Variants in DNAI3 observed in about 807,000 individuals in gnomAD.
The protein encoded by DNAI3 is WD repeat domain 63.
Under a neutral mutation model 115.5 loss-of-function variants are expected in DNAI3, and 83 were observed. The observed-to-expected ratio is 0.72, with a 90% confidence interval of 0.60 to 0.86. The LOEUF is 0.86. Among genes scored for constraint, DNAI3 ranks in the 40% least tolerant of loss-of-function variants. The pLI, the probability that DNAI3 is intolerant of heterozygous loss-of-function variation, is 0.00. For missense variants in DNAI3, 1,004 were observed against 1,075.8 expected, an observed-to-expected ratio of 0.93 and a Z score of 0.93; for synonymous variants, 320 against 347.0, an observed-to-expected ratio of 0.92 and a Z score of 0.86.
At position 85,090,180 on chromosome 1, in the gene DNAI3, ACACT is replaced by A. The variant is rs1654929622; in HGVS notation, c.808_811del (p.Leu270AsnfsTer15). 6.3e-7 allele frequency: 1 copy of A among 1,592,190 alleles called. No individual in the cohort carries two copies. The highest frequency in any genetic ancestry group is 8.5e-7 in the Non-Finnish European group (1 of 1,171,548). ...AGAATTCTCAGAAGAGGAAAAAGAG[ACACT>A]CAAACAATCAAAGCCTTTGGTTGAT... On this transcript the variant is annotated frameshift_variant, in exon 8 of 23. Coordinates refer to ENST00000294664, the MANE Select transcript of DNAI3 (RefSeq NM_145172.5). LOFTEE classifies it high-confidence loss of function.
At chr1:85,097,143 TAAATAG>T (rs1655149165) in intron 11 of DNAI3, among the ~76,000 whole-genome samples, 1 of 152,082 alleles carries the variant, frequency 6.6e-6, no homozygotes, top group African/African-American at 2.4e-5. Context: ...AATAGTCAAT[TAAATAG>T]AAATAATCAC....
intron 13 of DNAI3, among the ~76,000 whole-genome samples, chr1:85,100,480 C>T (rs1655263255): frequency 1.3e-5 from 2 of 152,094 alleles, no homozygotes; most frequent in African/African-American, 4.8e-5. Flanking sequence ...ACAACAGATG[C>T]TGGAGAGGAT....
chr1:85,098,391 T>C (rs1041888275), intron 12 of DNAI3, 139 bp from the exon 13 acceptor site: 39 of 999,566 alleles, frequency 3.9e-5, no homozygotes, highest in East Asian at 1.1e-4. Context: ...ATATATGATA[T>C]AGAGAAACAC....
At chr1:85,080,857 C>T (rs994777796) in intron 3 of DNAI3, among the ~76,000 whole-genome samples, 1 of 152,150 alleles carries the variant, frequency 6.6e-6, no homozygotes, top group Non-Finnish European at 1.5e-5. Context: ...GAATTCAATT[C>T]ATCTAAAATT....
chr1:85,100,283 A>C (rs1343642745), intron 13 of DNAI3, among the ~76,000 whole-genome samples: 1 of 152,202 alleles, frequency 6.6e-6, no homozygotes, highest in Non-Finnish European at 1.5e-5. Flanking sequence ...CAAGAAAAAA[A>C]CAAACAACCC....
intron 8 of DNAI3, among the ~76,000 whole-genome samples, chr1:85,092,227 G>A (rs1655000001): frequency 6.6e-6 from 1 of 152,148 alleles, no homozygotes; most frequent in Non-Finnish European, 1.5e-5. Flanking sequence ...TAGGAAAGGG[G>A]TCTATTTTGA....
rs767035208 is a variant in DNAI3, at chr1:85,072,050, G to A, written c.64+45G>A. On this transcript the variant is annotated intron_variant, in intron 2 of 22. Coordinates refer to ENST00000294664, the MANE Select transcript of DNAI3 (RefSeq NM_145172.5). ...GAATGGGATTTTTTGTGGAGTATTTGTGTATATATTAGCAGCAAAATGATT... is the reference window on the plus strand; with the variant it reads ...GAATGGGATTTTTTGTGGAGTATTTATGTATATATTAGCAGCAAAATGATT... 5.8e-6 allele frequency: 9 copies of A among 1,545,390 alleles called. No individual in the cohort carries two copies. In the East Asian group the frequency reaches 9.0e-5, roughly 15 times the overall value.
intron 1 of DNAI3, among the ~76,000 whole-genome samples, chr1:85,067,921 C>G (rs1245544479): frequency 1.3e-5 from 2 of 152,174 alleles, no homozygotes; most frequent in Non-Finnish European, 2.9e-5. Flanking sequence ...TGTCAGATAT[C>G]TGAACTACAA....
intron 8 of DNAI3, among the ~76,000 whole-genome samples, chr1:85,092,105 G>A (rs1654995325): frequency 6.6e-6 from 1 of 152,162 alleles, no homozygotes; most frequent in Non-Finnish European, 1.5e-5. Flanking sequence ...GAGGACTCTT[G>A]TTAAAATGCA....
intron 22 of DNAI3, among the ~76,000 whole-genome samples, chr1:85,131,024 C>T (rs1656304961): frequency 6.6e-6 from 1 of 152,160 alleles, no homozygotes; most frequent in Admixed American, 6.5e-5. Flanking sequence ...CTGTTTCCCT[C>T]TTGCTCCCTC....
chr1:85,092,567 A>C (rs1655009742), intron 8 of DNAI3, among the ~76,000 whole-genome samples: 1 of 152,132 alleles, frequency 6.6e-6, no homozygotes, highest in African/African-American at 2.4e-5. Context: ...TAAGCATAAA[A>C]AGGGACAATA....
chr1:85,072,791 TA>T (rs1263695926), intron 2 of DNAI3, among the ~76,000 whole-genome samples: 1 of 151,046 alleles, frequency 6.6e-6, no homozygotes, highest in Non-Finnish European at 1.5e-5. Context: ...CCGTCTCTAC[TA>T]AAAATACAAA....
chr1:85,076,143 G>A (rs1368911444), intron 3 of DNAI3, among the ~76,000 whole-genome samples: 25 of 152,048 alleles, frequency 1.6e-4, no homozygotes, highest in Admixed American at 1.6e-3. Flanking sequence ...ACAGCCAGCA[G>A]CATAGCATCT....
Position 85,072,020 on chromosome 1 carries a change from T to C in DNAI3, c.64+15T>C. The C allele has an allele frequency of 6.2e-7, 1 of 1,602,990 alleles. No individual in the cohort carries two copies. The highest frequency in any genetic ancestry group is 8.5e-7 in the Non-Finnish European group (1 of 1,177,184). On this transcript the variant is annotated intron_variant, in intron 2 of 22. Transcript: ENST00000294664. ...AGTATTAGCTGGTAGGAATATTTCT[T>C]CATTGAATGGGATTTTTTGTGGAGT...
At chr1:85,082,567 C>T (rs1654666348) in intron 5 of DNAI3, among the ~76,000 whole-genome samples, 163 bp downstream of exon 5, 1 of 152,108 alleles carries the variant, frequency 6.6e-6, no homozygotes. Flanking sequence ...ACCTCAGCCC[C>T]CCAAGTAGCT....
At chr1:85,080,708 T>A (rs1269199890) in intron 3 of DNAI3, among the ~76,000 whole-genome samples, 1 of 152,158 alleles carries the variant, frequency 6.6e-6, no homozygotes, top group Admixed American at 6.5e-5. Context: ...TTTAAATCTA[T>A]CCCAAGAAAA....
chr1:85,084,250 G>GTATATATATATATATATATATATATATA (rs33956396), intron 5 of DNAI3, among the ~76,000 whole-genome samples: 1 of 85,040 alleles, frequency 1.2e-5, no homozygotes, highest in Non-Finnish European at 2.6e-5. Flanking sequence ...TCAGCAGTGT[G>GTATATATATATATATATATATATATATA]TATATATATA....
chr1:85,127,408 T>A (rs1483729538), intron 20 of DNAI3, among the ~76,000 whole-genome samples: 1 of 152,178 alleles, frequency 6.6e-6, no homozygotes, highest in Non-Finnish European at 1.5e-5. Flanking sequence ...TGTTTGCCTT[T>A]TTTTATTTTA....
In DNAI3 at chr1:85,126,300, A is replaced by G. The variant is rs192509391; in HGVS notation, c.2113-211A>G. 1.6e-4 allele frequency among the ~76,000 whole-genome samples: 25 copies of G among 152,346 alleles called. 2 individuals carry two copies. The East Asian group carries it at 4.4e-3, about 27-fold the overall frequency. On this transcript the variant is annotated intron_variant, in intron 19 of 22. Transcript: ENST00000294664. ...ATTGGAATGTTTAATATTTTCTGAAAAGCAACTAAAAATGGCTTATGAAAA... is the reference window on the plus strand; with the variant it reads ...ATTGGAATGTTTAATATTTTCTGAAGAGCAACTAAAAATGGCTTATGAAAA...
Sources: allele counts gnomAD v4.1 joint callset (sites outside exome capture counted in the v4.1 genomes callset), GRCh38; gene constraint gnomAD v4.1.1; transcripts MANE v1.5; gene names NCBI Gene and HGNC (gene_info 2026-07-23, HGNC 2026-07-21).